The following MICU1 variants were observed in gnomAD, a reference collection of about 807,000 sequenced individuals.
MICU1 encodes the protein calcium uptake protein 1, mitochondrial.
MICU1 carries 45 observed loss-of-function variants against 56.8 expected under a neutral mutation model. That is an observed-to-expected ratio of 0.79 (90% CI 0.62 to 1.02). The LOEUF is 1.02. MICU1 is among the 50% of genes least tolerant of loss of function. The pLI is 0.00. For missense variants in MICU1, 504 were observed against 587.1 expected, an observed-to-expected ratio of 0.86 and a Z score of 1.46; for synonymous variants, 186 against 195.1, an observed-to-expected ratio of 0.95 and a Z score of 0.39.
At chr10:72,419,159 A>C (rs1864077505) in intron 9 of MICU1, among the ~76,000 whole-genome samples, 1 of 152,248 alleles carries the variant, frequency 6.6e-6, no homozygotes, top group Admixed American at 6.5e-5. Flanking sequence ...AGATAATTAA[A>C]GTCAAATCAA....
chr10:72,526,211 T>C (rs1867957578), intron 5 of MICU1, among the ~76,000 whole-genome samples: 1 of 152,176 alleles, frequency 6.6e-6, no homozygotes, highest in Non-Finnish European at 1.5e-5. Context: ...TGGCAAAATC[T>C]GTAACTAAAA....
At chr10:72,616,073 CTG>C (rs1263524785) in intron 1 of MICU1, among the ~76,000 whole-genome samples, 1 of 152,140 alleles carries the variant, frequency 6.6e-6, no homozygotes, top group Non-Finnish European at 1.5e-5. Context: ...CTTATGAAAA[CTG>C]TTTTAAATCC....
intron 5 of MICU1, among the ~76,000 whole-genome samples, chr10:72,509,900 T>A (rs1258143990): frequency 2.0e-5 from 3 of 151,940 alleles, no homozygotes; most frequent in South Asian, 2.1e-4. Flanking sequence ...AAGAAAAAAA[T>A]TTGCATTTTT....
At chr10:72,514,860 T>C (rs1277731229) in intron 5 of MICU1, among the ~76,000 whole-genome samples, 1 of 152,236 alleles carries the variant, frequency 6.6e-6, no homozygotes, top group African/African-American at 2.4e-5. Context: ...TGGTGAAGCA[T>C]TTCAAATCAC....
At chr10:72,470,079 C>T (rs1865905025) in intron 8 of MICU1, among the ~76,000 whole-genome samples, 1 of 152,152 alleles carries the variant, frequency 6.6e-6, no homozygotes, top group South Asian at 2.1e-4. Flanking sequence ...GGACACAATT[C>T]ATCCCACTAC....
At chr10:72,610,934 A>C (rs1430536747) in intron 1 of MICU1, among the ~76,000 whole-genome samples, 1 of 152,208 alleles carries the variant, frequency 6.6e-6, no homozygotes, top group African/African-American at 2.4e-5. Flanking sequence ...TATATTTATC[A>C]GTACAAAGAA....
chr10:72,456,566 G>A (rs1365259332), intron 8 of MICU1, among the ~76,000 whole-genome samples: 1 of 152,128 alleles, frequency 6.6e-6, no homozygotes, highest in East Asian at 1.9e-4. Flanking sequence ...GCTTTTAGAC[G>A]ACTAAAATCT....
intron 5 of MICU1, among the ~76,000 whole-genome samples, chr10:72,524,562 T>C (rs1867912916): frequency 1.3e-5 from 2 of 152,222 alleles, no homozygotes; most frequent in African/African-American, 2.4e-5. Flanking sequence ...TGTGCAGTGC[T>C]TGGATTGTCA....
At chr10:72,508,331 G>C (rs1156862216) in intron 5 of MICU1, 62 bp from the exon 6 acceptor site, 1 of 647,960 alleles carries the variant, frequency 1.5e-6, no homozygotes, top group Non-Finnish European at 2.6e-6. Flanking sequence ...AATATAAATA[G>C]TAAGAGATGA....
chr10:72,535,003 A>ATATTTTATTTTATTTTATT lies in MICU1; in HGVS notation c.494-1215_494-1214insAATAAAATAAAATAAAATA, dbSNP rs1564923265. On this transcript the variant is annotated intron_variant, in intron 4 of 11. Coordinates refer to ENST00000361114, the MANE Select transcript of MICU1 (RefSeq NM_001195518.2). Reference sequence around the variant, plus strand: ...AAACTTTGATTGCCTATCTCCCTCTATTTTTTATTTTATTTTATTTTATTT... The same window carrying ATATTTTATTTTATTTTATT: ...AAACTTTGATTGCCTATCTCCCTCTATATTTTATTTTATTTTATTTTTTTTATTTTATTTTATTTTATTT... 6.5e-5 allele frequency among the ~76,000 whole-genome samples: 3 copies of ATATTTTATTTTATTTTATT among 45,842 alleles called. 1 individual carries two copies. The highest frequency in any genetic ancestry group is 2.3e-4 in the African/African-American group (3 of 13,282). The allele number at this position is 45,842 out of a possible 152,430, so 30.1% of individuals were successfully genotyped here. A position where few individuals can be genotyped will look rare whatever the true frequency, so the allele number is the denominator to read the frequency against.
At chr10:72,380,718 C>T (rs1175617521) in intron 10 of MICU1, among the ~76,000 whole-genome samples, 2 of 152,126 alleles carry the variant, frequency 1.3e-5, no homozygotes, top group South Asian at 2.1e-4. Context: ...AGCTGGGTCT[C>T]GAATTTTGGC....
chr10:72,551,717 C>A (rs1310027859), intron 3 of MICU1, among the ~76,000 whole-genome samples: 1 of 152,098 alleles, frequency 6.6e-6, no homozygotes, highest in Non-Finnish European at 1.5e-5. Flanking sequence ...ATATGCCAAC[C>A]TATAGCTTCT....
intron 1 of MICU1, among the ~76,000 whole-genome samples, chr10:72,621,751 G>A (rs1842110036): frequency 6.6e-6 from 1 of 151,968 alleles, no homozygotes; most frequent in African/African-American, 2.4e-5. Flanking sequence ...TTCCAGAGCA[G>A]GGGTACTAAA....
At chr10:72,458,385 T>A (rs913820648) in intron 8 of MICU1, among the ~76,000 whole-genome samples, 1 of 152,116 alleles carries the variant, frequency 6.6e-6, no homozygotes, top group African/African-American at 2.4e-5. Flanking sequence ...CCATAATATA[T>A]CTACATGGAA....
At chr10:72,594,243 A>T (rs1841310053) in intron 1 of MICU1, among the ~76,000 whole-genome samples, 1 of 152,232 alleles carries the variant, frequency 6.6e-6, no homozygotes, top group African/African-American at 2.4e-5. Flanking sequence ...GAGTGTCAAG[A>T]TCATTCAATG....
chr10:72,535,893 CTGT>C (rs1839620640), intron 4 of MICU1, among the ~76,000 whole-genome samples: 1 of 152,086 alleles, frequency 6.6e-6, no homozygotes, highest in African/African-American at 2.4e-5. Context: ...GGAAGAAATT[CTGT>C]CATTTGAGGC....
chr10:72,497,442 C>T (rs1014285718), intron 6 of MICU1, among the ~76,000 whole-genome samples: 20 of 152,148 alleles, frequency 1.3e-4, no homozygotes, highest in South Asian at 4.1e-4. Flanking sequence ...ACTATTAAGC[C>T]GAGGGTTTAA....
At chr10:72,397,801 C>T (rs996927869) in intron 10 of MICU1, among the ~76,000 whole-genome samples, 3 of 152,178 alleles carry the variant, frequency 2.0e-5, no homozygotes, top group Non-Finnish European at 4.4e-5. Flanking sequence ...TAGAGACCTA[C>T]AAAGAGACCT....
intron 10 of MICU1, among the ~76,000 whole-genome samples, chr10:72,404,620 AAAGGGATAAT>A (rs1863569586): frequency 6.6e-6 from 1 of 152,226 alleles, no homozygotes; most frequent in African/African-American, 2.4e-5. Context: ...TACAGACATC[AAAGGGATAAT>A]AATGGAATAT....
Sources: allele counts gnomAD v4.1 joint callset (sites outside exome capture counted in the v4.1 genomes callset), GRCh38; gene constraint gnomAD v4.1.1; transcripts MANE v1.5; gene names NCBI Gene and HGNC (gene_info 2026-07-23, HGNC 2026-07-21).